The following ZNHIT3 variants were observed in gnomAD, a reference collection of about 807,000 sequenced individuals.
ZNHIT3 encodes the protein zinc finger HIT-type containing 3, also known as zinc finger HIT domain-containing protein 3.
A neutral mutation model predicts 19.9 loss-of-function variants in ZNHIT3; 27 were observed. The observed-to-expected ratio is 1.36, with a 90% CI of 1.00 to 1.87. ZNHIT3 has a LOEUF of 1.87. Among genes scored for constraint, ZNHIT3 ranks in the 40% most tolerant of loss-of-function variants. The pLI is 0.00. For missense variants in ZNHIT3, 215 were observed against 185.6 expected (o/e 1.16, Z -0.92); for synonymous variants, 81 against 65.7 (o/e 1.23, Z -1.13).
At chr17:36,492,994 C>T in intron 3 of ZNHIT3, 95 bp downstream of exon 3, 1 of 1,133,452 alleles carries the variant, frequency 8.8e-7, no homozygotes, top group Non-Finnish European at 1.3e-6. Flanking sequence ...GAATCCAGAA[C>T]AATAGCTTCA....
At chr17:36,498,498 T>G, downstream of ZNHIT3, 1 of 1,614,012 alleles carries the variant, frequency 6.2e-7, no homozygotes, top group Non-Finnish European at 8.5e-7. Context: ...ACAGGGAGCT[T>G]GAGAGAAGTG....
At position 36,493,981 on chromosome 17, in the gene ZNHIT3, T is replaced by A. The variant is rs1283451478; in HGVS notation, c.261T>A (p.Val87=). The A allele has an allele frequency of 6.2e-7, 1 of 1,613,524 alleles. No individual in the cohort carries two copies. Among genetic ancestry groups the A allele is most frequent in the Non-Finnish European group, 8.5e-7 (1 of 1,179,466 alleles). Residue 87 remains valine, a synonymous_variant, in exon 4 of 5, where the codon GTT becomes GTA. Coordinates refer to ENST00000617429, the MANE Select transcript of ZNHIT3 (RefSeq NM_004773.4). ...ATAGTGATGAGGAAGAAGACAGAGTTTCTTTGCAGAATTTAAAGAATTTAG... is the reference window on the plus strand; with the variant it reads ...ATAGTGATGAGGAAGAAGACAGAGTATCTTTGCAGAATTTAAAGAATTTAG... ...FLNSDEEEDR[V]SLQNLKNLGE... is the part of the protein sequence containing the mutation.
Position 36,486,825 on chromosome 17 carries a change from C to T in ZNHIT3, c.86+40C>T, listed in dbSNP as rs776032979. 7.8e-5 allele frequency: 107 copies of T among 1,377,812 alleles called. 1 individual carries two copies. The South Asian group carries it at 1.1e-3, about 14-fold the overall frequency. 85.3% of individuals were successfully genotyped at this position (1,377,812 alleles called of 1,614,324 possible). Reference sequence around the variant, plus strand: ...CGCGGGGTCCAGGGGCGCGGGTGTCCGGCCATGGCGGGAGGGCGGGAGGCC... The same window carrying T: ...CGCGGGGTCCAGGGGCGCGGGTGTCTGGCCATGGCGGGAGGGCGGGAGGCC... On this transcript the variant is annotated intron_variant, in intron 1 of 4. Transcript: ENST00000617429.
chr17:36,498,671 C>G, downstream of ZNHIT3: 8 of 1,299,560 alleles, frequency 6.2e-6, no homozygotes, highest in Non-Finnish European at 7.2e-6. Context: ...ACTGAAGGCA[C>G]CTGGTTGCAA....
At chr17:36,488,530 G>A (rs548566309) in intron 2 of ZNHIT3, among the ~76,000 whole-genome samples, 1 of 152,190 alleles carries the variant, frequency 6.6e-6, no homozygotes, top group African/African-American at 2.4e-5. Flanking sequence ...GGGCAACAGA[G>A]TGAGACTCCA....
At chr17:36,493,798 C>T (rs1009914819) in intron 3 of ZNHIT3, 128 bp from the exon 4 acceptor site, 3 of 670,192 alleles carry the variant, frequency 4.5e-6, no homozygotes, top group Non-Finnish European at 5.3e-6. Context: ...TTGTCTGTAC[C>T]TGCTTGAATA....
chr17:36,498,377 C>A, downstream of ZNHIT3: 1 of 1,614,032 alleles, frequency 6.2e-7, no homozygotes, highest in Non-Finnish European at 8.5e-7. Flanking sequence ...CCACTAATTT[C>A]CTCTGAAAGC....
chr17:36,487,045 G>A (rs2070579142), intron 2 of ZNHIT3, 79 bp downstream of exon 2: 1 of 1,572,546 alleles, frequency 6.4e-7, no homozygotes, highest in Admixed American at 1.9e-5. Flanking sequence ...TGGGGGCGTG[G>A]ACCCTTGGGC....
downstream of ZNHIT3, chr17:36,496,523 G>A: frequency 2.2e-6 from 2 of 921,944 alleles, no homozygotes; most frequent in South Asian, 3.3e-5. Flanking sequence ...CTAGTATTGG[G>A]GGCCACAGCA....
At position 36,495,524 on chromosome 17, in the gene ZNHIT3, A is replaced by T; in HGVS notation, c.*120A>T. 7.2e-7 allele frequency: 1 copy of T among 1,385,418 alleles called. No individual in the cohort carries two copies. Among genetic ancestry groups the T allele is most frequent in the Non-Finnish European group, 9.3e-7 (1 of 1,073,480 alleles). 85.8% of individuals were successfully genotyped at this position (1,385,418 alleles called of 1,614,324 possible). ...CAGGCAAAAGAGGTTTCCAGGATGC[A>T]GATTAGGTCATGCAGGCCTTTACCG... On this transcript the variant is annotated 3_prime_UTR_variant, in exon 5 of 5. Transcript: ENST00000617429.
At chr17:36,497,451 ACAAACTCCTCACAACC>A, downstream of ZNHIT3, among the ~76,000 whole-genome samples, 1 of 152,220 alleles carries the variant, frequency 6.6e-6, no homozygotes, top group Middle Eastern at 3.2e-3. Flanking sequence ...ATTTGAGGTA[ACAAACTCCTCACAACC>A]CAAGTTGTGA....
chr17:36,497,875 G>A (rs1015575013), downstream of ZNHIT3: 32 of 189,438 alleles, frequency 1.7e-4, no homozygotes, highest in Non-Finnish European at 2.7e-4. Flanking sequence ...GTGAGCCACC[G>A]CTCCAGGCCC....
intron 2 of ZNHIT3, chr17:36,491,322 C>G (rs1415829030): frequency 6.6e-6 from 1 of 152,194 alleles, no homozygotes; most frequent in Non-Finnish European, 1.5e-5. Flanking sequence ...TAGCTGTAGA[C>G]TCTCGTTTTC....
At chr17:36,491,607 TCTC>T in intron 2 of ZNHIT3, 1 of 152,282 alleles carries the variant, frequency 6.6e-6, no homozygotes, top group East Asian at 1.9e-4. Flanking sequence ...GTGCCCAGCT[TCTC>T]CTTCCTTTTG....
intron 4 of ZNHIT3, 135 bp from the exon 5 acceptor site, chr17:36,495,088 T>C (rs1164967181): frequency 4.6e-6 from 5 of 1,079,234 alleles, no homozygotes; most frequent in Non-Finnish European, 3.9e-6. Flanking sequence ...ACCTCCCCAG[T>C]TGCTGGTATT....
At chr17:36,494,728 C>T (rs995087711) in intron 4 of ZNHIT3, among the ~76,000 whole-genome samples, 1 of 151,874 alleles carries the variant, frequency 6.6e-6, no homozygotes, top group Non-Finnish European at 1.5e-5. Flanking sequence ...TGTTGGTTCC[C>T]TGCTACTGGT....
chr17:36,494,470 T>TCACATGATTTGATTTAGGGGGAAAC (rs1275611169), intron 4 of ZNHIT3, among the ~76,000 whole-genome samples: 1 of 152,230 alleles, frequency 6.6e-6, no homozygotes, highest in Non-Finnish European at 1.5e-5. Flanking sequence ...AAACTGGTTA[T>TCACATGATTTGATTTAGGGGGAAAC]CACATGATTT....
Position 36,495,684 on chromosome 17 carries a change from G to T in ZNHIT3, c.*280G>T, listed in dbSNP as rs1483128936. 3 of 1,264,832 alleles carry T rather than the reference G, an allele frequency of 2.4e-6. No homozygotes were observed. In the African/African-American group the frequency reaches 4.6e-5, roughly 19 times the overall value. The allele number at this position is 1,264,832 out of a possible 1,614,324, so 78.4% of individuals were successfully genotyped here. ...GGTACAGTTGATAGACATCATAAAC[G>T]ATATCAAGCTTACACTTCATATGGA... is the stretch of plus-strand genomic sequence containing the variant. On this transcript the variant is annotated 3_prime_UTR_variant, in exon 5 of 5. Transcript: ENST00000617429.
intron 2 of ZNHIT3, among the ~76,000 whole-genome samples, chr17:36,488,742 C>G (rs556345870): frequency 2.3e-4 from 35 of 152,190 alleles, no homozygotes; most frequent in African/African-American, 8.4e-4. Flanking sequence ...CAGTGTGATA[C>G]TTCGATACCT....
Sources: gnomAD v4.1 joint callset for allele counts (sites outside exome capture counted in the v4.1 genomes callset) on GRCh38, gnomAD v4.1.1 for gene constraint, MANE v1.5 for transcripts, NCBI Gene and HGNC (gene_info 2026-07-23, HGNC 2026-07-21) for gene names.